Variants in ADCY3 observed in about 807,000 individuals in gnomAD.
ADCY3 encodes adenylate cyclase 3, also known as adenylate cyclase type 3.
ADCY3 carries 70 observed loss-of-function variants against 119.4 expected under a neutral mutation model. That is an observed-to-expected ratio of 0.59 (90% CI 0.48 to 0.72). The LOEUF is 0.72. ADCY3 is among the 30% of genes least tolerant of loss of function. ADCY3 has a pLI of 0.00. For missense variants in ADCY3, 1,238 were observed against 1,541.6 expected, an observed-to-expected ratio of 0.80 and a Z score of 3.30; for synonymous variants, 672 against 621.4, an observed-to-expected ratio of 1.08 and a Z score of -1.21.
At chr2:24,827,643 C>G (rs556210357) in intron 14 of ADCY3, 35 bp from the exon 15 acceptor site, 3 of 1,565,816 alleles carry the variant, frequency 1.9e-6, no homozygotes, top group Non-Finnish European at 2.6e-6. Flanking sequence ...CAGGCCCCAT[C>G]TGGGAACAAG....
intron 3 of ADCY3, among the ~76,000 whole-genome samples, chr2:24,854,334 A>G (rs1672754609): frequency 6.6e-6 from 1 of 152,240 alleles, no homozygotes; most frequent in Non-Finnish European, 1.5e-5. Flanking sequence ...GAGTGGCCAT[A>G]TCACCCAGGG....
chr2:24,917,233 C>A (rs1392638405), intron 2 of ADCY3, among the ~76,000 whole-genome samples: 1 of 152,230 alleles, frequency 6.6e-6, no homozygotes, highest in South Asian at 2.1e-4. Flanking sequence ...TCTGGGCACG[C>A]CCTGCCTCTC....
At position 24,859,845 on chromosome 2, in the gene ADCY3, G is replaced by A. The variant is rs1001304469; in HGVS notation, c.825+12725C>T. Among the ~76,000 whole-genome samples the A allele has an allele frequency of 3.9e-5, 6 of 152,144 alleles. No individual in the cohort carries two copies. In the East Asian group the frequency reaches 5.8e-4, roughly 15 times the overall value. On this transcript the variant is annotated intron_variant, in intron 3 of 21. Coordinates refer to ENST00000679454, the MANE Select transcript of ADCY3 (RefSeq NM_004036.5). Reference sequence around the variant, plus strand: ...AGACCTGAATGGAAACCCACCCAGCGTCCACCTCAGCTGTCTCCCCAGGAT... The same window carrying A: ...AGACCTGAATGGAAACCCACCCAGCATCCACCTCAGCTGTCTCCCCAGGAT...
rs767214067 is a variant in ADCY3 at position 24,828,164 on chromosome 2, G to A, written c.2173-3C>T. ...GTGTAGTACTGGAGACAGCTGAGCT[G>A]GAGGCCAGGACGGCGGGCAGGGACA... On this transcript the variant is annotated splice_polypyrimidine_tract_variant and splice_region_variant and intron_variant, in intron 13 of 21. Coordinates refer to ENST00000679454, the MANE Select transcript of ADCY3 (RefSeq NM_004036.5). The A allele has an allele frequency of 3.1e-6, 5 of 1,612,892 alleles. 1 individual carries two copies. In the South Asian group the frequency reaches 4.4e-5, roughly 14 times the overall value.
rs1358246587 is a variant in ADCY3, at chr2:24,842,328, G to A, written c.882C>T (p.Asp294=). The change falls in exon 4 of 22, where the codon GAC becomes GAT. Residue 294 remains aspartate (D), a synonymous_variant. Transcript: ENST00000679454. The surrounding 1 kb of genome is among the most constrained non-coding windows in gnomAD (Gnocchi z 4.9). ...PKHVADEMLK[D]MKKDESQKDQ... is the part of the protein sequence containing the mutation. ...CCTTCTGGCTCTCGTCTTTCTTCAT[G>A]TCTTTCAGCATCTCGTCAGCCACGT... 5 of 1,614,036 alleles carry A rather than the reference G, an allele frequency of 3.1e-6. No individual in the cohort carries two copies. The highest frequency in any genetic ancestry group is 4.2e-6 in the Non-Finnish European group (5 of 1,180,042).
intron 16 of ADCY3, 77 bp from the exon 17 acceptor site, chr2:24,824,613 G>C: frequency 1.3e-6 from 2 of 1,533,444 alleles, no homozygotes; most frequent in Non-Finnish European, 1.8e-6. Flanking sequence ...GAATGGCCAG[G>C]CGTGGCGGTT....
chr2:24,860,846 C>A (rs1251389534), intron 3 of ADCY3, among the ~76,000 whole-genome samples: 1 of 152,174 alleles, frequency 6.6e-6, no homozygotes, highest in Non-Finnish European at 1.5e-5. Flanking sequence ...CGCATCCCTA[C>A]ACCTCACTTC....
At chr2:24,881,253 T>TCTGAG (rs1553356829) in intron 2 of ADCY3, among the ~76,000 whole-genome samples, 14 of 151,504 alleles carry the variant, frequency 9.2e-5, no homozygotes, top group African/African-American at 1.5e-4. Context: ...GCCAAAGCCA[T>TCTGAG]CCCAGCCCAG....
intron 6 of ADCY3, 149 bp from the exon 7 acceptor site, chr2:24,840,180 G>C: frequency 1.8e-6 from 2 of 1,124,156 alleles, no homozygotes; most frequent in Non-Finnish European, 2.5e-6. Context: ...TGTTGGGTGG[G>C]GGGTAAGGCA....
chr2:24,887,687 G>A (rs1252979419), intron 2 of ADCY3, among the ~76,000 whole-genome samples: 2 of 152,046 alleles, frequency 1.3e-5, no homozygotes, highest in Non-Finnish European at 2.9e-5. Context: ...AAAGCATGGC[G>A]GTGAAGAATG....
At chr2:24,833,251 G>A (rs1433041203) in intron 11 of ADCY3, among the ~76,000 whole-genome samples, 1 of 152,204 alleles carries the variant, frequency 6.6e-6, no homozygotes, top group African/African-American at 2.4e-5. Context: ...GCAGTGGCGT[G>A]TAGGAGGCCC....
At chr2:24,856,964 A>G (rs1267684720) in intron 3 of ADCY3, among the ~76,000 whole-genome samples, 2 of 152,228 alleles carry the variant, frequency 1.3e-5, no homozygotes, top group Non-Finnish European at 2.9e-5. Context: ...GGCCTCCAGC[A>G]TGAGAACAGG....
chr2:24,820,521 C>G (rs1456733882), intron 21 of ADCY3: 31 of 1,410,680 alleles, frequency 2.2e-5, no homozygotes, highest in African/African-American at 2.9e-5. Flanking sequence ...GAACTTCAGC[C>G]CAGATTTTGT....
chr2:24,897,487 AC>A (rs1284122544), intron 2 of ADCY3, among the ~76,000 whole-genome samples: 1 of 152,084 alleles, frequency 6.6e-6, no homozygotes, highest in Non-Finnish European at 1.5e-5. Flanking sequence ...CTGAGAAAGC[AC>A]CTCAGTCTCT....
chr2:24,873,330 C>T (rs1675261863), intron 2 of ADCY3, among the ~76,000 whole-genome samples: 1 of 152,212 alleles, frequency 6.6e-6, no homozygotes, highest in Admixed American at 6.5e-5. Flanking sequence ...ATCCTCTCAG[C>T]TAACCCCACC....
In ADCY3 at chr2:24,824,391, T is replaced by C; in HGVS notation, c.2723A>G (p.Lys908Arg). The change falls in exon 17 of 22, where the codon AAG becomes AGG. Residue 908 changes from lysine to arginine, a missense_variant. By Grantham distance (26) the Lys-to-Arg change is conservative (BLOSUM62 2). This residue lies in a region of ADCY3 where 499 missense variants were observed against 571.0 expected (regional missense o/e 0.87). Transcript: ENST00000679454. ...EHVARHFLGS[K>R]KRDEELYSQT... ...CACACCCCTCACCTCATCTCTCTTC[T>C]TGGACCCCAGGAAATGGCGTGCCAC... 6.2e-7 allele frequency: 1 copy of C among 1,614,204 alleles called. No homozygotes were observed. Among genetic ancestry groups the C allele is most frequent in the Non-Finnish European group, 8.5e-7 (1 of 1,180,016 alleles).
At position 24,842,677 on chromosome 2, in the gene ADCY3, G is replaced by A; in HGVS notation, c.826-293C>T. The A allele has an allele frequency of 2.5e-6, 1 of 400,710 alleles. No individual in the cohort carries two copies. The highest frequency in any genetic ancestry group is 4.7e-6 in the Non-Finnish European group (1 of 211,276). 24.8% of individuals were successfully genotyped at this position (400,710 alleles called of 1,614,324 possible). A position where few individuals can be genotyped will look rare whatever the true frequency, so the allele number is the denominator to read the frequency against. On this transcript the variant is annotated intron_variant, in intron 3 of 21. Coordinates refer to ENST00000679454, the MANE Select transcript of ADCY3 (RefSeq NM_004036.5). The surrounding 1 kb of genome is among the most constrained non-coding windows in gnomAD (Gnocchi z 4.9). ...TGTGCTCAGCATCCTCGTGCCACAA[G>A]AAGCGCAGCAGTCCTGCGTGGGCTG...
At position 24,898,422 on chromosome 2, in the gene ADCY3, G is replaced by T. The variant is rs1166999886; in HGVS notation, c.675+19891C>A. Among the ~76,000 whole-genome samples the T allele has an allele frequency of 6.6e-6, 1 of 152,168 alleles. No individual in the cohort carries two copies. Reference sequence around the variant, plus strand: ...TGTGGGAATGCACCTATGCAGGGCTGTCCTCGGGGAGAGGGGCTTCGTGTA... The same window carrying T: ...TGTGGGAATGCACCTATGCAGGGCTTTCCTCGGGGAGAGGGGCTTCGTGTA... On this transcript the variant is annotated intron_variant, in intron 2 of 21. Transcript: ENST00000679454. This position sits in a 1 kb window ranked among gnomAD's most constrained non-coding sequence, Gnocchi z 4.3.
chr2:24,901,504 T>G (rs1678896773), intron 2 of ADCY3, among the ~76,000 whole-genome samples: 1 of 152,152 alleles, frequency 6.6e-6, no homozygotes, highest in Admixed American at 6.5e-5. Flanking sequence ...GAATTCAAGG[T>G]AGGCAAGACA....
Sources: gnomAD v4.1 joint callset for allele counts (sites outside exome capture counted in the v4.1 genomes callset) on GRCh38, gnomAD v4.1.1 for gene constraint, gnomAD v4.1.1 regional missense constraint, Gnocchi (gnomAD v3.1) non-coding constraint, MANE v1.5 for transcripts, NCBI Gene and HGNC (gene_info 2026-07-23, HGNC 2026-07-21) for gene names.